Variants in LIMK2 observed in about 807,000 individuals in gnomAD.
The protein encoded by LIMK2 is LIM domain kinase 2.
A neutral mutation model predicts 75.7 loss-of-function variants in LIMK2; 35 were observed. The ratio of observed to expected loss-of-function variants is 0.46; its 90% CI spans 0.35 to 0.61. The LOEUF (loss-of-function observed/expected upper bound fraction) is 0.61. Among genes scored for constraint, LIMK2 ranks in the 20% least tolerant of loss-of-function variants. The pLI, the probability that LIMK2 is intolerant of heterozygous loss-of-function variation, is 0.00. For missense variants in LIMK2, 623 were observed against 831.0 expected (o/e 0.75, Z 3.08); for synonymous variants, 301 against 319.2 (o/e 0.94, Z 0.61).
chr22:31,277,641 G>T, intron 15 of LIMK2: 1 of 708,268 alleles, frequency 1.4e-6, no homozygotes, highest in South Asian at 6.2e-5. Flanking sequence ...ATACAGTATT[G>T]AATGCCTACT....
At chr22:31,267,988 G>A in intron 10 of LIMK2, 81 bp downstream of exon 10, 1 of 1,564,990 alleles carries the variant, frequency 6.4e-7, no homozygotes, top group Admixed American at 1.7e-5. Flanking sequence ...GGAGCTTAAA[G>A]GGCAGAGGGG....
chr22:31,258,430 A>G lies in LIMK2; in HGVS notation c.252+4A>G. ...GCTGATGACAGGGCCTTTTATGGTG[A>G]GTGAATCCCTTCATATCTGCCCCTC... On this transcript the variant is annotated splice_donor_region_variant and intron_variant, in intron 3 of 15. Coordinates refer to ENST00000331728, the MANE Select transcript of LIMK2 (RefSeq NM_005569.4). The G allele has an allele frequency of 1.2e-6, 2 of 1,613,990 alleles. No individual in the cohort carries two copies. The highest frequency in any genetic ancestry group is 1.7e-6 in the Non-Finnish European group (2 of 1,179,928).
intron 2 of LIMK2, among the ~76,000 whole-genome samples, chr22:31,257,103 G>T (rs2123831660): frequency 7.8e-6 from 1 of 127,814 alleles, no homozygotes; most frequent in South Asian, 2.6e-4. Flanking sequence ...TGTTGCCCAG[G>T]CTGGTCTTGA....
chr22:31,269,124 G>C (rs921101880), intron 11 of LIMK2, among the ~76,000 whole-genome samples: 1 of 151,278 alleles, frequency 6.6e-6, no homozygotes, highest in Admixed American at 6.6e-5. Context: ...TTGTTGTTTT[G>C]AGAAAGGATA....
intron 14 of LIMK2, among the ~76,000 whole-genome samples, chr22:31,274,935 C>T (rs1164908131): frequency 6.6e-6 from 1 of 151,974 alleles, no homozygotes; most frequent in Admixed American, 6.6e-5. Flanking sequence ...CAGTGAAGCC[C>T]CTTCTTAGTC....
At chr22:31,265,515 T>G (rs1323112443) in intron 7 of LIMK2, among the ~76,000 whole-genome samples, 2 of 151,668 alleles carry the variant, frequency 1.3e-5, no homozygotes, top group African/African-American at 2.4e-5. Context: ...TCCAGCCTGG[T>G]TGACAGAGCG....
rs559284454 is a variant in LIMK2, at chr22:31,246,767, A to C, written c.117-11524A>C. Among the ~76,000 whole-genome samples, 122 of 147,178 alleles carry C rather than the reference A, an allele frequency of 8.3e-4. 1 individual carries two copies. Among genetic ancestry groups the C allele is most frequent in the Non-Finnish European group, 1.3e-3 (89 of 67,888 alleles). ...GAGAGAGACCCTGACTCAAAAAAAA[A>C]AAAACAAAAAAAAAAAACACCCTCA... On this transcript the variant is annotated intron_variant, in intron 2 of 15. Coordinates refer to ENST00000331728, the MANE Select transcript of LIMK2 (RefSeq NM_005569.4).
chr22:31,269,336 C>G (rs2048932494), intron 11 of LIMK2, among the ~76,000 whole-genome samples: 1 of 147,860 alleles, frequency 6.8e-6, no homozygotes, highest in African/African-American at 2.5e-5. Context: ...CTTTGTTGCC[C>G]AGGCTGATCT....
rs183990431 is a variant in LIMK2, at chr22:31,264,975, C to T, written c.855-971C>T. ...TAGGGAGGCCGAGACAGATGGATCG[C>T]GAGATCAGGAGTTCGAGACCAACCT... On this transcript the variant is annotated intron_variant, in intron 7 of 15. Coordinates refer to ENST00000331728, the MANE Select transcript of LIMK2 (RefSeq NM_005569.4). Among the ~76,000 whole-genome samples the T allele has an allele frequency of 4.5e-4, 68 of 151,906 alleles. No homozygotes were observed. The Middle Eastern group carries it at 0.01, about 23-fold the overall frequency.
intron 2 of LIMK2, among the ~76,000 whole-genome samples, chr22:31,238,581 T>G (rs2048599702): frequency 6.6e-6 from 1 of 152,144 alleles, no homozygotes; most frequent in African/African-American, 2.4e-5. Flanking sequence ...AGGCCTAGAT[T>G]AGGGTCATTC....
chr22:31,271,928 C>T (rs532956653), intron 12 of LIMK2, among the ~76,000 whole-genome samples: 14 of 152,246 alleles, frequency 9.2e-5, no homozygotes, highest in Non-Finnish European at 2.1e-4. Flanking sequence ...CTGAGTTCCA[C>T]TCTCCAAGTC....
chr22:31,272,425 C>CGTT, intron 12 of LIMK2, 105 bp from the exon 13 acceptor site: 1 of 1,072,442 alleles, frequency 9.3e-7, no homozygotes, highest in South Asian at 1.6e-5. Flanking sequence ...CCTTGCTATA[C>CGTT]ACCTTTTCTC....
At chr22:31,273,327 G>T (rs1483563318) in intron 13 of LIMK2, 125 bp from the exon 14 acceptor site, 2 of 827,938 alleles carry the variant, frequency 2.4e-6, no homozygotes, top group African/African-American at 3.4e-5. Flanking sequence ...AGGACAGCCT[G>T]TGGGGTGTCC....
chr22:31,269,341 T>C (rs1325154142), intron 11 of LIMK2, among the ~76,000 whole-genome samples: 1 of 144,498 alleles, frequency 6.9e-6, no homozygotes, highest in African/African-American at 2.6e-5. Context: ...TTGCCCAGGC[T>C]GATCTCAAAC....
intron 2 of LIMK2, among the ~76,000 whole-genome samples, chr22:31,251,617 A>G (rs540430972): frequency 6.6e-6 from 1 of 152,326 alleles, no homozygotes; most frequent in African/African-American, 2.4e-5. Context: ...CTCTAGCAAC[A>G]CTTATTTCTT....
chr22:31,232,607 A>G (rs2048539116), intron 2 of LIMK2, among the ~76,000 whole-genome samples: 1 of 149,274 alleles, frequency 6.7e-6, no homozygotes, highest in African/African-American at 2.4e-5. Context: ...TAATTAATTC[A>G]TTAATTAGCT....
chr22:31,240,761 C>T (rs1001950209), intron 2 of LIMK2, among the ~76,000 whole-genome samples: 23 of 152,136 alleles, frequency 1.5e-4, no homozygotes, highest in Admixed American at 1.0e-3. Flanking sequence ...GCACCACTGC[C>T]GCGTCACCAA....
At chr22:31,273,056 C>G (rs962343986) in intron 13 of LIMK2, 2 of 1,114,388 alleles carry the variant, frequency 1.8e-6, no homozygotes, top group African/African-American at 3.2e-5. Context: ...ACCAGAGATG[C>G]TGGTTGGGAT....
chr22:31,226,314 T>C (rs2048477586), intron 2 of LIMK2, among the ~76,000 whole-genome samples: 1 of 151,898 alleles, frequency 6.6e-6, no homozygotes, highest in South Asian at 2.1e-4. Context: ...GTGATTTTTC[T>C]GCCTTAGCTT....
Sources: gnomAD v4.1 joint callset for allele counts (sites outside exome capture counted in the v4.1 genomes callset) on GRCh38, gnomAD v4.1.1 for gene constraint, MANE v1.5 for transcripts, NCBI Gene and HGNC (gene_info 2026-07-23, HGNC 2026-07-21) for gene names.